DTHD1: variants seen among roughly 807,000 people sequenced by gnomAD.
DTHD1 encodes death domain containing 1.
DTHD1 carries 59 observed loss-of-function variants against 74.8 expected under a neutral mutation model. The ratio of observed to expected loss-of-function variants is 0.79; its 90% CI spans 0.64 to 0.98. The LOEUF (loss-of-function observed/expected upper bound fraction) is 0.98. DTHD1 is among the 50% of genes least tolerant of loss of function. The probability of loss-of-function intolerance (pLI) is 0.00; values close to 1 mark genes in which losing one functional copy is unlikely to be tolerated. For missense variants in DTHD1, 1,051 were observed against 1,065.4 expected (o/e 0.99, Z 0.19); for synonymous variants, 365 against 371.1 (o/e 0.98, Z 0.19).
intron 8 of DTHD1, among the ~76,000 whole-genome samples, chr4:36,338,906 T>A (rs1473300365): frequency 6.6e-6 from 1 of 152,226 alleles, no homozygotes; most frequent in Non-Finnish European, 1.5e-5. Context: ...AATTTAAATG[T>A]GCTGAAATAT....
rs397992934 is a variant in DTHD1, at chr4:36,318,612, C to CTTT, written c.2340+2144_2340+2146dup. Among the ~76,000 whole-genome samples, 423 of 111,784 alleles carry CTTT rather than the reference C, an allele frequency of 3.8e-3. 6 individuals are homozygous for CTTT. The highest frequency in any genetic ancestry group is 8.2e-3 in the South Asian group (29 of 3,518). The allele number at this position is 111,784 out of a possible 152,430, so 73.3% of individuals were successfully genotyped here. Reference sequence around the variant, plus strand: ...CTTCTGTGCATTTTCTTTTTCTTTTCTTTTTTTTTTTTTTTTTTTTGAGAC... The same window carrying CTTT: ...CTTCTGTGCATTTTCTTTTTCTTTTCTTTTTTTTTTTTTTTTTTTTTTTGAGAC... On this transcript the variant is annotated intron_variant, in intron 8 of 9. Transcript: ENST00000639862.
intron 7 of DTHD1, among the ~76,000 whole-genome samples, chr4:36,309,633 T>G (rs1437003100): frequency 1.3e-5 from 2 of 152,230 alleles, no homozygotes; most frequent in Non-Finnish European, 2.9e-5. Flanking sequence ...CCTCTGAGCC[T>G]AACATAGGAA....
chr4:36,294,655 ATTG>A, intron 4 of DTHD1, 137 bp from the exon 5 acceptor site: 2 of 692,668 alleles, frequency 2.9e-6, no homozygotes, highest in South Asian at 9.4e-5. Flanking sequence ...TATAAAATGC[ATTG>A]TTGATTACAA....
rs181892217 is a variant in DTHD1, at chr4:36,343,723, C to A, written c.2620C>A (p.Arg874Ser). ...ACTTCGCCTCCTGGCTCGACATCTC[C>A]GCAAGATTGGCAGGAGTGATCTTGC... ...DKLRLLARHL[R>S]KIGRSDLAEE... The change falls in exon 10 of 10, where the codon CGC becomes AGC. Residue 874 changes from arginine (R) to serine (S), a missense_variant. Arg to Ser is a moderately radical substitution (Grantham distance 110). Coordinates refer to ENST00000639862, the MANE Select transcript of DTHD1 (RefSeq NM_001170700.3). 3,466 of 1,551,572 alleles carry A rather than the reference C, an allele frequency of 2.2e-3. 5 individuals are homozygous for A. The highest frequency in any genetic ancestry group is 2.7e-3 in the Non-Finnish European group (3,110 of 1,146,910).
At chr4:36,306,146 T>C (rs1178462887) in intron 5 of DTHD1, 45 bp from the exon 6 acceptor site, 1 of 1,481,072 alleles carries the variant, frequency 6.8e-7, no homozygotes, top group South Asian at 1.3e-5. Context: ...ATAAGATTTA[T>C]ATCATGTAAA....
chr4:36,294,891 C>T lies in DTHD1; in HGVS notation c.1495C>T (p.His499Tyr). ...QSTSPLIHIQHPSTYPFQKPV... is the reference protein window; with the variant it reads ...QSTSPLIHIQYPSTYPFQKPV... ...CACAAGCCCTCTGATTCACATTCAG[C>T]ACCCATCAACTTATCCTTTTCAGAA... is the stretch of plus-strand genomic sequence containing the variant. Residue 499 changes from histidine to tyrosine, a missense_variant, in exon 5 of 10, where the codon CAC (histidine) becomes TAC (tyrosine). Transcript: ENST00000639862. The T allele has an allele frequency of 6.4e-7, 1 of 1,551,934 alleles. No homozygotes were observed.
intron 7 of DTHD1, among the ~76,000 whole-genome samples, chr4:36,313,440 G>C (rs1440666494): frequency 6.8e-6 from 1 of 146,408 alleles, no homozygotes; most frequent in African/African-American, 2.5e-5. Context: ...AAACAGAGTA[G>C]TGCAGTTTCT....
chr4:36,343,821 G>A lies in DTHD1; in HGVS notation c.2718G>A (p.Glu906=), dbSNP rs752781889. 5 of 1,541,970 alleles carry A rather than the reference G, an allele frequency of 3.2e-6. No individual in the cohort carries two copies. The highest frequency in any genetic ancestry group is 2.0e-5 in the Admixed American group (1 of 50,676). The change falls in exon 10 of 10, where the codon GAG becomes GAA. Residue 906 remains glutamate, a synonymous_variant. Coordinates refer to ENST00000639862, the MANE Select transcript of DTHD1 (RefSeq NM_001170700.3). Reference sequence around the variant, plus strand: ...AGCAGTGTTTTGATGTAGCCCCTGAGTAAAAGCCTGATCTCTCTTCCTTTA... The same window carrying A: ...AGCAGTGTTTTGATGTAGCCCCTGAATAAAAGCCTGATCTCTCTTCCTTTA... ...EPQQCFDVAP[E] is the part of the protein sequence containing the mutation.
At position 36,340,163 on chromosome 4, in the gene DTHD1, C is replaced by A. The variant is rs73806809; in HGVS notation, c.2398+994C>A. Reference sequence around the variant, plus strand: ...TCCCACATGACCAATGCCATCAGAACTGCTGTAGGAAGGGTGACAGTAGAT... The same window carrying A: ...TCCCACATGACCAATGCCATCAGAAATGCTGTAGGAAGGGTGACAGTAGAT... On this transcript the variant is annotated intron_variant, in intron 9 of 9. Transcript: ENST00000639862. 5.2e-3 allele frequency among the ~76,000 whole-genome samples: 798 copies of A among 152,310 alleles called. 7 individuals carry two copies. Among genetic ancestry groups the A allele is most frequent in the African/African-American group, 0.017 (722 of 41,580 alleles).
chr4:36,304,645 C>T (rs1030944229), intron 5 of DTHD1, among the ~76,000 whole-genome samples: 1 of 152,170 alleles, frequency 6.6e-6, no homozygotes, highest in African/African-American at 2.4e-5. Flanking sequence ...TAGGTAGCAT[C>T]ATCAGACTAG....
At chr4:36,288,870 C>A (rs1197801448) in intron 2 of DTHD1, among the ~76,000 whole-genome samples, 2 of 152,070 alleles carry the variant, frequency 1.3e-5, no homozygotes, top group Non-Finnish European at 2.9e-5. Context: ...TAAAGTTATA[C>A]AACGCTGGGT....
intron 9 of DTHD1, among the ~76,000 whole-genome samples, chr4:36,339,415 G>T (rs1258610871): frequency 6.6e-6 from 1 of 152,138 alleles, no homozygotes; most frequent in Admixed American, 6.6e-5. Flanking sequence ...ATGTTACTGA[G>T]TTTTATTTTA....
chr4:36,294,858 G>T lies in DTHD1; in HGVS notation c.1462G>T (p.Val488Phe). The part of the protein sequence containing the change: ...LKAQQDTFYS[V>F]QSTSPLIHIQ... ...AGCACAGCAAGATACTTTCTACTCA[G>T]TCCAATCCACAAGCCCTCTGATTCA... Residue 488 changes from valine (V) to phenylalanine (F), a missense_variant, in exon 5 of 10, where the codon GTC becomes TTC. Coordinates refer to ENST00000639862, the MANE Select transcript of DTHD1 (RefSeq NM_001170700.3). 6.4e-7 allele frequency: 1 copy of T among 1,551,656 alleles called. No homozygotes were observed. The highest frequency in any genetic ancestry group is 1.2e-5 in the South Asian group (1 of 84,040).
At position 36,290,524 on chromosome 4, in the gene DTHD1, A is replaced by G. The variant is rs2109453433; in HGVS notation, c.1039A>G (p.Ile347Val). Residue 347 changes from isoleucine to valine, a missense_variant, in exon 3 of 10, where the codon ATA becomes GTA. Physicochemically the swap from Ile to Val is conservative, Grantham distance 29 (BLOSUM62 3). Coordinates refer to ENST00000639862, the MANE Select transcript of DTHD1 (RefSeq NM_001170700.3). ...GDNEELVSNVITIECSDKEKR... is the reference protein window; with the variant it reads ...GDNEELVSNVVTIECSDKEKR... ...TAATGAAGAGTTAGTTAGCAACGTC[A>G]TAACTATTGAATGCTCAGATAAGGA... 2 of 1,551,712 alleles carry G rather than the reference A, an allele frequency of 1.3e-6. No individual in the cohort carries two copies. The highest frequency in any genetic ancestry group is 1.7e-6 in the Non-Finnish European group (2 of 1,146,976).
At chr4:36,307,729 A>G (rs1757142828) in intron 6 of DTHD1, among the ~76,000 whole-genome samples, 1 of 152,240 alleles carries the variant, frequency 6.6e-6, no homozygotes, top group Non-Finnish European at 1.5e-5. Context: ...TTTCTCTTCT[A>G]TATTTTAAAT....
At chr4:36,331,105 A>G (rs1758638064) in intron 8 of DTHD1, among the ~76,000 whole-genome samples, 1 of 152,160 alleles carries the variant, frequency 6.6e-6, no homozygotes, top group South Asian at 2.1e-4. Context: ...ATGTCTGTGT[A>G]GGATTTTTCT....
rs542981895 is a variant in DTHD1, at chr4:36,289,357, G to C, written c.888-1016G>C. 2.0e-5 allele frequency among the ~76,000 whole-genome samples: 3 copies of C among 152,228 alleles called. No individual in the cohort carries two copies. In the South Asian group the frequency reaches 6.2e-4, roughly 32 times the overall value. Reference sequence around the variant, plus strand: ...TCAATCTTCACACTGTTATGAATTAGATATTAGTTTCAATTTGTAATGAAT... The same window carrying C: ...TCAATCTTCACACTGTTATGAATTACATATTAGTTTCAATTTGTAATGAAT... On this transcript the variant is annotated intron_variant, in intron 2 of 9. Transcript: ENST00000639862.
intron 7 of DTHD1, chr4:36,315,932 C>A: frequency 6.0e-6 from 1 of 167,284 alleles, no homozygotes. Context: ...CAAAGTGGCA[C>A]ATCTTTTTCG....
At chr4:36,294,527 T>C (rs1756271353) in intron 4 of DTHD1, among the ~76,000 whole-genome samples, 1 of 152,060 alleles carries the variant, frequency 6.6e-6, no homozygotes. Flanking sequence ...GTCATTTTGT[T>C]GCCTGCAATT....
Sources: gnomAD v4.1 joint callset for allele counts (sites outside exome capture counted in the v4.1 genomes callset) on GRCh38, gnomAD v4.1.1 for gene constraint, MANE v1.5 for transcripts, NCBI Gene and HGNC (gene_info 2026-07-23, HGNC 2026-07-21) for gene names.